The following GRID2IP variants were observed in gnomAD, a reference collection of about 807,000 sequenced individuals.
GRID2IP encodes Grid2 interacting protein.
GRID2IP carries 78 observed loss-of-function variants against 114.3 expected under a neutral mutation model. That is an observed-to-expected ratio of 0.68 (90% confidence interval 0.57 to 0.82). GRID2IP has a LOEUF of 0.82. Among genes scored for constraint, GRID2IP ranks in the 40% least tolerant of loss-of-function variants. The pLI is 0.00. For synonymous variants in GRID2IP, 809 were observed against 724.0 expected (o/e 1.12, Z -1.89); for missense variants, 1,727 against 1,678.5 (o/e 1.03, Z -0.51).
chr7:6,536,500 C>CG lies in GRID2IP; in HGVS notation c.584+3217dup, dbSNP rs758764330. ...GGGAAAGGCGGGCATGGGGCTGTCC[C>CG]GGGGGGCAGGCGGGCTGGCCCGGGA... On this transcript the variant is annotated intron_variant, in intron 2 of 21. Coordinates refer to ENST00000457091, the MANE Select transcript of GRID2IP (RefSeq NM_001145118.2). The surrounding 1 kb of genome is among the most constrained non-coding windows in gnomAD (Gnocchi z 5.3). Among the ~76,000 whole-genome samples the CG allele has an allele frequency of 6.6e-6, 1 of 152,156 alleles. No individual in the cohort carries two copies. Among genetic ancestry groups the CG allele is most frequent in the African/African-American group, 2.4e-5 (1 of 41,454 alleles).
chr7:6,545,958 A>G (rs1384683176), intron 1 of GRID2IP, among the ~76,000 whole-genome samples: 1 of 152,142 alleles, frequency 6.6e-6, no homozygotes, highest in African/African-American at 2.4e-5. Flanking sequence ...TTTATGTAAG[A>G]AAGAGGAAAA....
At chr7:6,531,017 G>A in intron 2 of GRID2IP, 1 of 640,304 alleles carries the variant, frequency 1.6e-6, no homozygotes, top group Non-Finnish European at 2.8e-6. Context: ...CGGATCCGTG[G>A]CGCAGAGGGC....
chr7:6,529,033 G>C (rs1779567531), intron 2 of GRID2IP, among the ~76,000 whole-genome samples: 1 of 152,108 alleles, frequency 6.6e-6, no homozygotes. Flanking sequence ...ACCTGAGACT[G>C]TCCACCTCAC....
chr7:6,550,971 C>CAACA, intron 1 of GRID2IP, 37 bp downstream of exon 1: 1 of 1,168,584 alleles, frequency 8.6e-7, no homozygotes, highest in African/African-American at 1.6e-5. Context: ...TATGAGCCCC[C>CAACA]TCCTTCCCGC....
intron 15 of GRID2IP, among the ~76,000 whole-genome samples, chr7:6,504,212 A>G (rs1052230506): frequency 3.2e-4 from 48 of 148,254 alleles, no homozygotes; most frequent in Non-Finnish European, 7.5e-5. Flanking sequence ...GGCCGGGGCT[A>G]CTGTGAGGAG....
Position 6,509,261 on chromosome 7 carries a change from G to C in GRID2IP, c.1824C>G (p.Ser608=). The C allele has an allele frequency of 6.5e-7, 1 of 1,528,552 alleles. No individual in the cohort carries two copies. The highest frequency in any genetic ancestry group is 8.8e-7 in the Non-Finnish European group (1 of 1,135,662). 94.7% of individuals were successfully genotyped at this position (1,528,552 alleles called of 1,614,324 possible). ...CCGAACACAGCGGGTGGTAGCAGGG[G>C]GAGGGCAAGAGTCGCTCGCTGGGCC... ...VSWPSERLLP[S]PCYHPLCSGG... The change falls in exon 12 of 22, where the codon TCC becomes TCG. Residue 608 remains serine (S), a synonymous_variant. Transcript: ENST00000457091. The surrounding 1 kb of genome is among the most constrained non-coding windows in gnomAD (Gnocchi z 4.9).
chr7:6,521,392 G>T lies in GRID2IP; in HGVS notation c.1084+37C>A, dbSNP rs903314327. On this transcript the variant is annotated intron_variant, in intron 6 of 21. Coordinates refer to ENST00000457091, the MANE Select transcript of GRID2IP (RefSeq NM_001145118.2). The surrounding 1 kb of genome is among the most constrained non-coding windows in gnomAD (Gnocchi z 4.1). Reference sequence around the variant, plus strand: ...ATATAGCAGCCTGGGCAGGGTCTCTGGGGGCCAAGGAAGCCAAGTGTCCAT... The same window carrying T: ...ATATAGCAGCCTGGGCAGGGTCTCTTGGGGCCAAGGAAGCCAAGTGTCCAT... The T allele has an allele frequency of 1.3e-5, 19 of 1,423,396 alleles. No individual in the cohort carries two copies. Among genetic ancestry groups the T allele is most frequent in the Non-Finnish European group, 1.8e-5 (19 of 1,052,484 alleles). 88.2% of individuals were successfully genotyped at this position (1,423,396 alleles called of 1,614,324 possible).
At position 6,521,390 on chromosome 7, in the gene GRID2IP, C is replaced by G; in HGVS notation, c.1084+39G>C. On this transcript the variant is annotated intron_variant, in intron 6 of 21. Coordinates refer to ENST00000457091, the MANE Select transcript of GRID2IP (RefSeq NM_001145118.2). The surrounding 1 kb of genome is among the most constrained non-coding windows in gnomAD (Gnocchi z 4.1). ...ACATATAGCAGCCTGGGCAGGGTCT[C>G]TGGGGGCCAAGGAAGCCAAGTGTCC... is the stretch of plus-strand genomic sequence containing the variant. 7.0e-7 allele frequency: 1 copy of G among 1,433,220 alleles called. No homozygotes were observed. The highest frequency in any genetic ancestry group is 2.5e-5 in the East Asian group (1 of 39,760). 88.8% of individuals were successfully genotyped at this position (1,433,220 alleles called of 1,614,324 possible).
intron 1 of GRID2IP, among the ~76,000 whole-genome samples, chr7:6,549,545 G>A (rs559885059): frequency 8.5e-5 from 13 of 152,348 alleles, no homozygotes; most frequent in South Asian, 4.1e-4. Flanking sequence ...CAGCCAGGCC[G>A]CTGTGCAAGG....
At chr7:6,548,526 A>G (rs939991930) in intron 1 of GRID2IP, among the ~76,000 whole-genome samples, 1 of 152,076 alleles carries the variant, frequency 6.6e-6, no homozygotes, top group Non-Finnish European at 1.5e-5. Context: ...ACCCACAAAA[A>G]TTAAAAATCA....
intron 7 of GRID2IP, among the ~76,000 whole-genome samples, chr7:6,518,390 T>G (rs1779351438): frequency 6.6e-6 from 1 of 152,080 alleles, no homozygotes; most frequent in African/African-American, 2.4e-5. Flanking sequence ...AAATAATTAG[T>G]AATAGAAGAA....
chr7:6,515,836 C>T (rs1024836623), intron 7 of GRID2IP, among the ~76,000 whole-genome samples: 5 of 151,642 alleles, frequency 3.3e-5, no homozygotes, highest in East Asian at 1.9e-4. Flanking sequence ...TGGTGGCTCA[C>T]GCCTGTAATC....
chr7:6,543,998 T>C (rs563794032), intron 1 of GRID2IP, among the ~76,000 whole-genome samples: 1 of 152,082 alleles, frequency 6.6e-6, no homozygotes, highest in South Asian at 2.1e-4. Flanking sequence ...GGTTTCACCA[T>C]GTTGGCCAGG....
At position 6,536,221 on chromosome 7, in the gene GRID2IP, A is replaced by T. The variant is rs1205992876; in HGVS notation, c.584+3497T>A. Among the ~76,000 whole-genome samples the T allele has an allele frequency of 1.3e-5, 2 of 152,168 alleles. No individual in the cohort carries two copies. Among genetic ancestry groups the T allele is most frequent in the Non-Finnish European group, 2.9e-5 (2 of 68,030 alleles). ...GCGGGGTGGCTGAAGCCCTACTGCC[A>T]GGGTAACATTCTCCTTGCGGAGCCC... On this transcript the variant is annotated intron_variant, in intron 2 of 21. Coordinates refer to ENST00000457091, the MANE Select transcript of GRID2IP (RefSeq NM_001145118.2). This position sits in a 1 kb window ranked among gnomAD's most constrained non-coding sequence, Gnocchi z 5.3.
intron 2 of GRID2IP, among the ~76,000 whole-genome samples, chr7:6,527,062 G>GCCA (rs1381599338): frequency 1.3e-5 from 2 of 151,956 alleles, no homozygotes; most frequent in Non-Finnish European, 2.9e-5. Flanking sequence ...GCCCCTCAAA[G>GCCA]CCAGTCCACG....
intron 1 of GRID2IP, among the ~76,000 whole-genome samples, chr7:6,540,887 A>C (rs898031391): frequency 1.3e-5 from 2 of 151,650 alleles, no homozygotes; most frequent in African/African-American, 4.8e-5. Context: ...TCTAGGCTGG[A>C]GTGCAGTGGT....
In GRID2IP at chr7:6,510,322, G is replaced by T. The variant is rs373383695; in HGVS notation, c.1732C>A (p.Arg578=). 2 of 1,547,954 alleles carry T rather than the reference G, an allele frequency of 1.3e-6. No homozygotes were observed. The highest frequency in any genetic ancestry group is 2.4e-5 in the South Asian group (2 of 83,260). The change falls in exon 11 of 22, where the codon CGG becomes AGG. Residue 578 remains arginine (R), a synonymous_variant. Transcript: ENST00000457091. ...GGGCTGGGGCCTGGAGGGGAAGCCC[G>T]GGATTTGGACACGGTCCCCATCTTC... The part of the protein sequence containing the change: ...KGKMGTVSKS[R]ASPPGPSPAV...
chr7:6,541,535 G>A (rs1779815272), intron 1 of GRID2IP, among the ~76,000 whole-genome samples: 1 of 152,154 alleles, frequency 6.6e-6, no homozygotes, highest in African/African-American at 2.4e-5. Context: ...ACTAATCAAG[G>A]CACATCTGCA....
chr7:6,502,292 A>G (rs1206949307), intron 18 of GRID2IP, among the ~76,000 whole-genome samples, 174 bp from the exon 19 acceptor site: 1 of 151,912 alleles, frequency 6.6e-6, no homozygotes, highest in African/African-American at 2.4e-5. Context: ...TGGCTCCATC[A>G]TAACTCACTG....
Sources: allele counts gnomAD v4.1 joint callset (sites outside exome capture counted in the v4.1 genomes callset), GRCh38; gene constraint gnomAD v4.1.1; non-coding constraint Gnocchi (gnomAD v3.1); transcripts MANE v1.5; gene names NCBI Gene and HGNC (gene_info 2026-07-23, HGNC 2026-07-21).